The following ROBO2 variants were observed in gnomAD, a reference collection of about 807,000 sequenced individuals.
ROBO2 encodes roundabout guidance receptor 2, also known as roundabout homolog 2.
A neutral mutation model predicts 160.8 loss-of-function variants in ROBO2; 53 were observed. That is an observed-to-expected ratio of 0.33 (90% CI 0.26 to 0.41). The LOEUF is 0.41. Ranked by LOEUF, ROBO2 falls within the 10% of genes least tolerant of loss-of-function variation. ROBO2 has a pLI of 1.00. For synonymous variants in ROBO2, 664 were observed against 611.7 expected (o/e 1.09, Z -1.26); for missense variants, 1,577 against 1,722.4 (o/e 0.92, Z 1.49).
chr3:77,245,771 T>A (rs372675682), intron 2 of ROBO2, among the ~76,000 whole-genome samples: 3 of 152,332 alleles, frequency 2.0e-5, no homozygotes, highest in South Asian at 4.1e-4. Flanking sequence ...GAACATAATA[T>A]GTTAGGATTA....
intron 1 of ROBO2, among the ~76,000 whole-genome samples, chr3:77,095,809 A>G (rs943818305): frequency 6.6e-6 from 1 of 152,096 alleles, no homozygotes; most frequent in Admixed American, 6.5e-5. Flanking sequence ...TTACTTTTGT[A>G]TTCTGTAAAT....
Position 76,175,722 on chromosome 3 carries a change from A to G in ROBO2, c.109+238120A>G, listed in dbSNP as rs530158865. On this transcript the variant is annotated intron_variant, in intron 2 of 26. Transcript: ENST00000487694. ...TTGAGTCAATAAAAGGAACAATTGC[A>G]TGGAAGAAGTCTGTATTTATTGAAA... Among the ~76,000 whole-genome samples, 3 of 152,290 alleles carry G rather than the reference A, an allele frequency of 2.0e-5. 1 individual carries two copies. Among genetic ancestry groups the G allele is most frequent in the Admixed American group, 2.0e-4 (3 of 15,280 alleles).
intron 2 of ROBO2, among the ~76,000 whole-genome samples, chr3:77,242,975 G>C (rs780290641): frequency 6.6e-6 from 1 of 151,552 alleles, no homozygotes; most frequent in Non-Finnish European, 1.5e-5. Flanking sequence ...GCATGTGTGC[G>C]TGCGTGTTTG....
At chr3:76,760,586 A>AT (rs2061248995) in intron 2 of ROBO2, among the ~76,000 whole-genome samples, 1 of 151,702 alleles carries the variant, frequency 6.6e-6, no homozygotes, top group Non-Finnish European at 1.5e-5. Flanking sequence ...TTCTCCTCTG[A>AT]TTAAAAATTC....
intron 2 of ROBO2, among the ~76,000 whole-genome samples, chr3:76,840,277 G>A (rs899539913): frequency 6.6e-6 from 1 of 151,678 alleles, no homozygotes; most frequent in Non-Finnish European, 1.5e-5. Context: ...CATTAGAAAG[G>A]GGCTGATATT....
At chr3:76,604,870 TTATCTC>T (rs1459255825) in intron 2 of ROBO2, among the ~76,000 whole-genome samples, 4 of 152,148 alleles carry the variant, frequency 2.6e-5, no homozygotes, top group Non-Finnish European at 4.4e-5. Flanking sequence ...AAGCTCAACT[TTATCTC>T]TAGGAAAATT....
chr3:76,223,002 G>A (rs4572777), intron 2 of ROBO2, among the ~76,000 whole-genome samples: 6,378 of 151,800 alleles, frequency 0.042, 374 homozygotes, highest in East Asian at 0.22. Context: ...TTATCTGCCC[G>A]CCTCAGCCTC....
At chr3:76,361,209 C>T (rs1334125581) in intron 2 of ROBO2, among the ~76,000 whole-genome samples, 1 of 152,062 alleles carries the variant, frequency 6.6e-6, no homozygotes, top group African/African-American at 2.4e-5. Flanking sequence ...TTTATCAAAC[C>T]AGCAAGCAAG....
intron 2 of ROBO2, among the ~76,000 whole-genome samples, chr3:75,948,776 ATATCT>A (rs1948425687): frequency 6.6e-6 from 1 of 152,148 alleles, no homozygotes; most frequent in South Asian, 2.1e-4. Context: ...TTAATATTTT[ATATCT>A]TATAATTTGA....
intron 2 of ROBO2, among the ~76,000 whole-genome samples, chr3:76,860,828 A>C (rs1246953707): frequency 3.9e-5 from 6 of 152,186 alleles, no homozygotes; most frequent in African/African-American, 1.2e-4. Flanking sequence ...TCACAGATAA[A>C]CAAGACGCCT....
intron 2 of ROBO2, among the ~76,000 whole-genome samples, chr3:76,819,566 G>C (rs1052569711): frequency 6.6e-6 from 1 of 152,030 alleles, no homozygotes; most frequent in Non-Finnish European, 1.5e-5. Flanking sequence ...AAATAGCATG[G>C]TGGTGATCTC....
intron 2 of ROBO2, among the ~76,000 whole-genome samples, chr3:77,193,461 T>TTTTTTTG (rs1296731046): frequency 0.15 from 22,395 of 147,586 alleles, 1,667 homozygotes; most frequent in Middle Eastern, 0.23. Context: ...TTTTTTTTTT[T>TTTTTTTG]TAAAGACAGG....
intron 2 of ROBO2, among the ~76,000 whole-genome samples, chr3:77,309,585 T>C (rs1280786680): frequency 6.6e-6 from 1 of 152,234 alleles, no homozygotes; most frequent in Non-Finnish European, 1.5e-5. Flanking sequence ...TTGTATTAAA[T>C]GTGTTTATCT....
At chr3:76,978,905 T>G (rs527814344) in intron 2 of ROBO2, among the ~76,000 whole-genome samples, 53 of 151,350 alleles carry the variant, frequency 3.5e-4, no homozygotes, top group African/African-American at 1.1e-3. Context: ...GGAGTACAAG[T>G]GCAGTTTTAG....
At chr3:76,580,342 G>GTTTTTTTTTTTTTTTTTTTTTTTGTT (rs71101901) in intron 2 of ROBO2, among the ~76,000 whole-genome samples, 8 of 90,558 alleles carry the variant, frequency 8.8e-5, no homozygotes, top group Non-Finnish European at 1.0e-4. Context: ...TTTTTTTTGT[G>GTTTTTTTTTTTTTTTTTTTTTTTGTT]TTTTTTTTTT....
chr3:76,785,380 A>G (rs2062907714), intron 2 of ROBO2, among the ~76,000 whole-genome samples: 1 of 151,194 alleles, frequency 6.6e-6, no homozygotes, highest in Admixed American at 6.6e-5. Context: ...TCTCTTGTTA[A>G]GGTGCTAGGA....
rs572095378 is a variant in ROBO2 at position 76,550,880 on chromosome 3, T to C, written c.110-547134T>C. Among the ~76,000 whole-genome samples the C allele has an allele frequency of 1.2e-4, 19 of 152,290 alleles. No individual in the cohort carries two copies. In the Middle Eastern group the frequency reaches 0.014, roughly 109 times the overall value. ...GCATGGGAGGGATCCCTGGGGGAGCTGAGGGCAGCTTAGTGCAGGCCTGCA... is the reference window on the plus strand; with the variant it reads ...GCATGGGAGGGATCCCTGGGGGAGCCGAGGGCAGCTTAGTGCAGGCCTGCA... On this transcript the variant is annotated intron_variant, in intron 2 of 26. Transcript: ENST00000487694.
chr3:76,298,174 C>A (rs989367085), intron 2 of ROBO2, among the ~76,000 whole-genome samples: 2 of 152,046 alleles, frequency 1.3e-5, no homozygotes, highest in Admixed American at 1.3e-4. Flanking sequence ...AATTGTTTAG[C>A]AAAATGTAGT....
At chr3:76,615,518 T>C (rs923204010) in intron 2 of ROBO2, among the ~76,000 whole-genome samples, 2 of 152,128 alleles carry the variant, frequency 1.3e-5, no homozygotes, top group Non-Finnish European at 2.9e-5. Context: ...AGTTTATGTA[T>C]AGAAACACAA....
Sources: gnomAD v4.1 joint callset for allele counts (sites outside exome capture counted in the v4.1 genomes callset) on GRCh38, gnomAD v4.1.1 for gene constraint, MANE v1.5 for transcripts, NCBI Gene and HGNC (gene_info 2026-07-23, HGNC 2026-07-21) for gene names.